SIPA1L2: variants seen among roughly 807,000 people sequenced by gnomAD.
The protein encoded by SIPA1L2 is signal induced proliferation associated 1 like 2.
In SIPA1L2, 56 loss-of-function variants were observed where a neutral mutation model predicts 163.9. The observed-to-expected ratio is 0.34, with a 90% CI of 0.28 to 0.43. SIPA1L2 has a LOEUF of 0.43. Ranked by LOEUF, SIPA1L2 falls within the 20% of genes least tolerant of loss-of-function variation. The probability of loss-of-function intolerance (pLI) is 1.00; values close to 1 mark genes in which losing one functional copy is unlikely to be tolerated. For synonymous variants in SIPA1L2, 877 were observed against 865.7 expected (o/e 1.01, Z -0.23); for missense variants, 1,974 against 2,193.5 (o/e 0.90, Z 2.00).
chr1:232,460,230 T>A (rs1475978341), intron 10 of SIPA1L2, among the ~76,000 whole-genome samples: 6 of 152,210 alleles, frequency 3.9e-5, no homozygotes, highest in African/African-American at 1.4e-4. Flanking sequence ...TTTCTATTAG[T>A]AATGTAATAG....
intron 1 of SIPA1L2, among the ~76,000 whole-genome samples, chr1:232,605,774 A>G (rs1230035409): frequency 1.3e-5 from 2 of 152,208 alleles, no homozygotes; most frequent in African/African-American, 4.8e-5. Context: ...CTAAAATTAT[A>G]CTGGCTTGTG....
At chr1:232,565,051 GA>G (rs1659324120) in intron 2 of SIPA1L2, among the ~76,000 whole-genome samples, 1 of 152,136 alleles carries the variant, frequency 6.6e-6, no homozygotes, top group African/African-American at 2.4e-5. Context: ...TTGTATCCCA[GA>G]ATTTAAAGTA....
intron 2 of SIPA1L2, among the ~76,000 whole-genome samples, chr1:232,523,231 G>T (rs1667537311): frequency 2.0e-5 from 3 of 152,232 alleles, no homozygotes; most frequent in African/African-American, 7.2e-5. Context: ...ACAAAGGGCT[G>T]TTTTGTTAAA....
intron 3 of SIPA1L2, among the ~76,000 whole-genome samples, chr1:232,497,415 C>T (rs552775940): frequency 3.3e-5 from 5 of 152,292 alleles, no homozygotes; most frequent in South Asian, 4.1e-4. Context: ...CACAGACAGA[C>T]GCCATGACCA....
At chr1:232,520,284 A>G (rs1481310003) in intron 2 of SIPA1L2, among the ~76,000 whole-genome samples, 1 of 152,212 alleles carries the variant, frequency 6.6e-6, no homozygotes, top group African/African-American at 2.4e-5. Context: ...TTCTGCAAGC[A>G]CTTTAAAAAC....
At chr1:232,574,110 C>T (rs1659951723) in intron 2 of SIPA1L2, among the ~76,000 whole-genome samples, 64 bp downstream of exon 2, 1 of 152,068 alleles carries the variant, frequency 6.6e-6, no homozygotes, top group Non-Finnish European at 1.5e-5. Context: ...TAGTGGGACA[C>T]AAAACCCCAA....
chr1:232,553,068 C>T (rs1252919173), intron 2 of SIPA1L2, among the ~76,000 whole-genome samples: 1 of 152,156 alleles, frequency 6.6e-6, no homozygotes, highest in African/African-American at 2.4e-5. Flanking sequence ...GTCTGGAGTC[C>T]AGGAAGCATC....
chr1:232,495,756 CTAT>C lies in SIPA1L2; in HGVS notation c.1484-2099_1484-2097del, dbSNP rs138601559. Among the ~76,000 whole-genome samples the C allele has an allele frequency of 7.3e-3, 1,113 of 152,174 alleles. 15 individuals are homozygous for C. The highest frequency in any genetic ancestry group is 0.025 in the African/African-American group (1,048 of 41,514). On this transcript the variant is annotated intron_variant, in intron 3 of 22. Transcript: ENST00000674635. ...AGATTATCATGAGGCTGAAAAACTACTATTGTCTAGTGATGTTACAGATGTCAT... is the reference window on the plus strand; with the variant it reads ...AGATTATCATGAGGCTGAAAAACTACTGTCTAGTGATGTTACAGATGTCAT...
chr1:232,480,992 A>G (rs1665325230), intron 6 of SIPA1L2, among the ~76,000 whole-genome samples: 1 of 152,220 alleles, frequency 6.6e-6, no homozygotes, highest in Non-Finnish European at 1.5e-5. Context: ...ATGCTCCAAA[A>G]GACATTCATA....
chr1:232,535,799 T>A (rs906893460), intron 2 of SIPA1L2, among the ~76,000 whole-genome samples: 1 of 152,226 alleles, frequency 6.6e-6, no homozygotes, highest in Admixed American at 6.5e-5. Context: ...GTATTATGAA[T>A]GTTGAAAAGC....
chr1:232,536,374 C>G (rs527799559), intron 2 of SIPA1L2, among the ~76,000 whole-genome samples: 65 of 152,316 alleles, frequency 4.3e-4, no homozygotes, highest in African/African-American at 1.4e-3. Context: ...GGGAATCTAA[C>G]TTAAGGCCTG....
chr1:232,515,477 CA>C lies in SIPA1L2; in HGVS notation c.-139del. 1.2e-6 allele frequency: 1 copy of C among 850,578 alleles called. No individual in the cohort carries two copies. Among genetic ancestry groups the C allele is most frequent in the Non-Finnish European group, 1.7e-6 (1 of 578,006 alleles). 52.7% of individuals were successfully genotyped at this position (850,578 alleles called of 1,614,324 possible). A position where few individuals can be genotyped will look rare whatever the true frequency, so the allele number is the denominator to read the frequency against. Reference sequence around the variant, plus strand: ...TATTTTTTCTTTTCTTAGCCCAAAGCAAACAACATCCTCAGAATACAGTTTC... The same window carrying C: ...TATTTTTTCTTTTCTTAGCCCAAAGCAACAACATCCTCAGAATACAGTTTC... On this transcript the variant is annotated 5_prime_UTR_variant, in exon 3 of 23. The change abolishes the stop of an existing upstream ORF in the 5' untranslated region. Transcript: ENST00000674635.
intron 9 of SIPA1L2, among the ~76,000 whole-genome samples, chr1:232,463,157 G>A (rs534628738): frequency 6.3e-4 from 96 of 152,330 alleles, no homozygotes; most frequent in African/African-American, 2.3e-3. Context: ...GGGTCCCTGT[G>A]CAACTGCATG....
Position 232,536,014 on chromosome 1 carries a change from G to A in SIPA1L2, c.-269-20406C>T, listed in dbSNP as rs567918199. ...AATTCTCTGAAACTTGGATTCCAGT[G>A]GTTGACAGAGCAAAGGGCACACACT... is the stretch of plus-strand genomic sequence containing the variant. On this transcript the variant is annotated intron_variant, in intron 2 of 22. Transcript: ENST00000674635. Among the ~76,000 whole-genome samples the A allele has an allele frequency of 2.3e-4, 35 of 152,312 alleles. 2 individuals carry two copies. In the South Asian group the frequency reaches 6.8e-3, roughly 30 times the overall value.
chr1:232,418,491 T>A (rs987893542), intron 18 of SIPA1L2, among the ~76,000 whole-genome samples: 1 of 152,214 alleles, frequency 6.6e-6, no homozygotes, highest in Non-Finnish European at 1.5e-5. Flanking sequence ...TGAATCTTTG[T>A]GGCCCACAGT....
At chr1:232,434,706 T>G (rs1662450463) in intron 15 of SIPA1L2, among the ~76,000 whole-genome samples, 1 of 152,202 alleles carries the variant, frequency 6.6e-6, no homozygotes, top group Non-Finnish European at 1.5e-5. Flanking sequence ...ACGCCCTGTA[T>G]GTTATTTTCC....
At chr1:232,619,559 A>T (rs1224407568) in intron 1 of SIPA1L2, among the ~76,000 whole-genome samples, 2 of 152,206 alleles carry the variant, frequency 1.3e-5, no homozygotes, top group Non-Finnish European at 2.9e-5. Context: ...AGAACACTCA[A>T]AGTCCCTCCG....
Position 232,465,228 on chromosome 1 carries a change from T to A in SIPA1L2, c.2432A>T (p.Asp811Val), listed in dbSNP as rs372676675. ...ATRTRQEYLK[D>V]LAENFVTTAT... ...GGTTGTGACAAAGTTCTCCGCCAGA[T>A]CTTTCAAGTACTCCTGCCTCGTTCG... The change falls in exon 9 of 23, where the codon GAT (aspartate) becomes GTT (valine). Residue 811 changes from aspartate (D) to valine (V), a missense_variant. By Grantham distance (152) the Asp-to-Val change is radical. Around this residue, in one of 3 missense-constraint regions of SIPA1L2, gnomAD observed 288 missense variants for 418.9 expected, o/e 0.69. Coordinates refer to ENST00000674635, the MANE Select transcript of SIPA1L2 (RefSeq NM_020808.5). This position sits in a 1 kb window ranked among gnomAD's most constrained non-coding sequence, Gnocchi z 4.1. 4 of 1,614,056 alleles carry A rather than the reference T, an allele frequency of 2.5e-6. No individual in the cohort carries two copies. Among genetic ancestry groups the A allele is most frequent in the Non-Finnish European group, 3.4e-6 (4 of 1,180,034 alleles).
intron 3 of SIPA1L2, among the ~76,000 whole-genome samples, chr1:232,499,013 G>T (rs1666336482): frequency 6.6e-6 from 1 of 152,140 alleles, no homozygotes. Flanking sequence ...TAAATACTGG[G>T]GATACAAACA....
Sources: allele counts gnomAD v4.1 joint callset (sites outside exome capture counted in the v4.1 genomes callset), GRCh38; gene constraint gnomAD v4.1.1; regional missense constraint gnomAD v4.1.1; non-coding constraint Gnocchi (gnomAD v3.1); transcripts MANE v1.5; gene names NCBI Gene and HGNC (gene_info 2026-07-23, HGNC 2026-07-21).